SUMF1: variants seen among roughly 807,000 people sequenced by gnomAD.
The protein encoded by SUMF1 is sulfatase modifying factor 1.
Under a neutral mutation model 47.6 loss-of-function variants are expected in SUMF1, and 48 were observed. The observed-to-expected ratio is 1.01, with a 90% CI of 0.80 to 1.28. The LOEUF (loss-of-function observed/expected upper bound fraction) is 1.28. Among genes scored for constraint, SUMF1 ranks in the 50% most tolerant of loss-of-function variants. The probability of loss-of-function intolerance (pLI) is 0.00; values close to 1 mark genes in which losing one functional copy is unlikely to be tolerated. For missense variants in SUMF1, 571 were observed against 485.4 expected, an observed-to-expected ratio of 1.18 and a Z score of -1.66; for synonymous variants, 230 against 192.1, an observed-to-expected ratio of 1.20 and a Z score of -1.63.
intron 8 of SUMF1, among the ~76,000 whole-genome samples, chr3:4,351,025 A>T (rs1208110142): frequency 2.0e-5 from 3 of 152,148 alleles, no homozygotes; most frequent in Non-Finnish European, 2.9e-5. Flanking sequence ...ACTTTGAGCT[A>T]CCACTCCACG....
chr3:4,268,103 G>A (rs572293530), intron 8 of SUMF1, among the ~76,000 whole-genome samples: 1 of 152,262 alleles, frequency 6.6e-6, no homozygotes, highest in African/African-American at 2.4e-5. Flanking sequence ...GGATGAAATT[G>A]GAAATCATCA....
At position 4,214,460 on chromosome 3, in the gene SUMF1, A is replaced by T. The variant is rs527471941; in HGVS notation, c.1015-145715T>A. Reference sequence around the variant, plus strand: ...ATGCCCACAAGAGAAAGCAGGAAAGATCTAAAATTGACACCCTAACATCGC... The same window carrying T: ...ATGCCCACAAGAGAAAGCAGGAAAGTTCTAAAATTGACACCCTAACATCGC... On this transcript the variant is annotated intron_variant and NMD_transcript_variant, in intron 8 of 12. Coordinates refer to the SUMF1 transcript ENST00000448413. 1.7e-4 allele frequency among the ~76,000 whole-genome samples: 26 copies of T among 152,336 alleles called. No homozygotes were observed. In the East Asian group the frequency reaches 4.6e-3, roughly 27 times the overall value.
intron 8 of SUMF1, among the ~76,000 whole-genome samples, chr3:4,134,458 C>G (rs566898143): frequency 3.8e-4 from 58 of 152,246 alleles, no homozygotes; most frequent in Middle Eastern, 3.4e-3. Flanking sequence ...CTCTGGGACA[C>G]ATTCAAAGCA....
intron 8 of SUMF1, among the ~76,000 whole-genome samples, chr3:4,216,002 G>C (rs1179682877): frequency 6.6e-6 from 1 of 152,126 alleles, no homozygotes; most frequent in African/African-American, 2.4e-5. Flanking sequence ...TCCCCATCAA[G>C]CTACCACTGA....
intron 8 of SUMF1, among the ~76,000 whole-genome samples, chr3:4,176,653 A>G (rs1410831982): frequency 6.6e-6 from 1 of 152,196 alleles, no homozygotes; most frequent in East Asian, 1.9e-4. Flanking sequence ...TAACCAGTCA[A>G]CTTCATAATG....
chr3:4,062,460 C>T (rs1574851058), intron 9 of SUMF1, among the ~76,000 whole-genome samples: 2 of 152,100 alleles, frequency 1.3e-5, no homozygotes, highest in African/African-American at 2.4e-5. Flanking sequence ...TGCTGCCAGA[C>T]GAGGTGTCAG....
In SUMF1 at chr3:4,356,103, C is replaced by T. The variant is rs531693308; in HGVS notation, c.1014+20227G>A. Among the ~76,000 whole-genome samples, 9 of 152,242 alleles carry T rather than the reference C, an allele frequency of 5.9e-5. No individual in the cohort carries two copies. The South Asian group carries it at 1.5e-3, about 25-fold the overall frequency. On this transcript the variant is annotated intron_variant and NMD_transcript_variant, in intron 8 of 12. Coordinates refer to the SUMF1 transcript ENST00000448413. ...AGAGGAAGGAAGTTCTGGCCACGTGCCAAAGCTCCATCTGAGGCTCTCGGA... is the reference window on the plus strand; with the variant it reads ...AGAGGAAGGAAGTTCTGGCCACGTGTCAAAGCTCCATCTGAGGCTCTCGGA...
At chr3:4,272,507 T>C (rs1456017721) in intron 8 of SUMF1, among the ~76,000 whole-genome samples, 2 of 152,094 alleles carry the variant, frequency 1.3e-5, no homozygotes, top group African/African-American at 2.4e-5. Flanking sequence ...CTAAGAACAG[T>C]TTCTGACGGG....
chr3:4,172,080 A>G (rs1189276341), intron 8 of SUMF1, among the ~76,000 whole-genome samples: 1 of 152,228 alleles, frequency 6.6e-6, no homozygotes, highest in African/African-American at 2.4e-5. Flanking sequence ...TGTAGGAAAC[A>G]GACTTCAAAT....
At chr3:4,455,094 C>A (rs979092985) in intron 1 of SUMF1, among the ~76,000 whole-genome samples, 1 of 151,984 alleles carries the variant, frequency 6.6e-6, no homozygotes, top group African/African-American at 2.4e-5. Flanking sequence ...CAACTTTTTT[C>A]AAAAACCACA....
intron 8 of SUMF1, among the ~76,000 whole-genome samples, chr3:4,206,508 AAC>A (rs1271465673): frequency 2.0e-5 from 3 of 152,162 alleles, no homozygotes; most frequent in Non-Finnish European, 1.5e-5. Context: ...ATGCAAGTTC[AAC>A]AGTCACTGTG....
chr3:4,097,604 AT>A (rs1307949142), intron 8 of SUMF1, among the ~76,000 whole-genome samples: 1 of 152,086 alleles, frequency 6.6e-6, no homozygotes, highest in African/African-American at 2.4e-5. Flanking sequence ...TTAAAAATTC[AT>A]GTATTTTTTG....
At chr3:4,341,231 C>T (rs182698792) in intron 8 of SUMF1, among the ~76,000 whole-genome samples, 5 of 148,702 alleles carry the variant, frequency 3.4e-5, no homozygotes, top group Admixed American at 3.3e-4. Flanking sequence ...ATGATGACAA[C>T]ATTAAAAAAA....
intron 3 of SUMF1, among the ~76,000 whole-genome samples, chr3:4,432,318 C>T (rs986288970): frequency 4.6e-5 from 7 of 151,804 alleles, no homozygotes; most frequent in African/African-American, 1.2e-4. Context: ...TAGCTTCTCT[C>T]TTCCTACCAC....
At chr3:4,157,248 A>C (rs1378466382) in intron 8 of SUMF1, among the ~76,000 whole-genome samples, 2 of 151,540 alleles carry the variant, frequency 1.3e-5, no homozygotes, top group Non-Finnish European at 2.9e-5. Context: ...CTGCTGGGCC[A>C]GTTTTTTAGA....
chr3:4,223,400 G>C (rs139278359), intron 8 of SUMF1, among the ~76,000 whole-genome samples: 38 of 152,264 alleles, frequency 2.5e-4, no homozygotes, highest in African/African-American at 8.7e-4. Flanking sequence ...ATAGCTCACA[G>C]AGTTACCTTA....
chr3:4,100,420 C>A (rs541618766), intron 8 of SUMF1, among the ~76,000 whole-genome samples: 1 of 151,980 alleles, frequency 6.6e-6, no homozygotes, highest in East Asian at 1.9e-4. Context: ...AACAAAGGTG[C>A]CAAGAACACT....
At chr3:4,149,369 T>C (rs1309199200) in intron 8 of SUMF1, among the ~76,000 whole-genome samples, 3 of 152,134 alleles carry the variant, frequency 2.0e-5, no homozygotes, top group African/African-American at 4.8e-5. Flanking sequence ...CATTTTCTCC[T>C]TAAACATGCA....
At chr3:4,174,714 G>C (rs1368316818) in intron 8 of SUMF1, among the ~76,000 whole-genome samples, 20 of 152,148 alleles carry the variant, frequency 1.3e-4, no homozygotes, top group Admixed American at 1.3e-3. Context: ...TGGAGGGTGA[G>C]CCAAAGCAGG....
Sources: allele counts gnomAD v4.1 joint callset (sites outside exome capture counted in the v4.1 genomes callset), GRCh38; gene constraint gnomAD v4.1.1; transcripts MANE v1.5; gene names NCBI Gene and HGNC (gene_info 2026-07-23, HGNC 2026-07-21).